Variants in RBM20 observed in about 807,000 individuals in gnomAD.
RBM20 encodes the protein RNA-binding protein 20.
A neutral mutation model predicts 110.1 loss-of-function variants in RBM20; 51 were observed. The ratio of observed to expected loss-of-function variants is 0.46; its 90% CI spans 0.37 to 0.59. The LOEUF is 0.59. RBM20 is among the 20% of genes least tolerant of loss of function. The pLI, the probability that RBM20 is intolerant of heterozygous loss-of-function variation, is 0.00. For missense variants in RBM20, 1,512 were observed against 1,574.9 expected (o/e 0.96, Z 0.68); for synonymous variants, 589 against 618.2 (o/e 0.95, Z 0.70).
chr10:110,783,264 G>A, intron 2 of RBM20, 102 bp from the exon 3 acceptor site: 1 of 844,266 alleles, frequency 1.2e-6, no homozygotes, highest in Non-Finnish European at 2.0e-6. Flanking sequence ...TCCAGCCTCT[G>A]GGCGCTCTGT....
chr10:110,795,714 A>G (rs10885046), intron 5 of RBM20, among the ~76,000 whole-genome samples: 38,380 of 152,168 alleles, frequency 0.25, 4,931 homozygotes, highest in Non-Finnish European at 0.28. Flanking sequence ...AATGTGTTTC[A>G]GGTTCGGAAA....
chr10:110,711,544 C>A (rs1862929075), intron 1 of RBM20, among the ~76,000 whole-genome samples: 1 of 152,064 alleles, frequency 6.6e-6, no homozygotes, highest in African/African-American at 2.4e-5. Context: ...TGGATAATTG[C>A]AAGTGACTGA....
At chr10:110,742,744 C>G (rs898730964) in intron 1 of RBM20, among the ~76,000 whole-genome samples, 1 of 152,342 alleles carries the variant, frequency 6.6e-6, no homozygotes, top group South Asian at 2.1e-4. Flanking sequence ...AGTAGCTCAC[C>G]TGTTTCAAAA....
intron 1 of RBM20, among the ~76,000 whole-genome samples, chr10:110,709,591 G>A (rs1386391586): frequency 6.6e-6 from 1 of 150,480 alleles, no homozygotes; most frequent in Admixed American, 6.6e-5. Context: ...AATTGGGATG[G>A]GATCTTGCTT....
intron 10 of RBM20, 22 bp downstream of exon 10, chr10:110,820,198 G>T: frequency 6.7e-7 from 1 of 1,503,176 alleles, no homozygotes; most frequent in Non-Finnish European, 9.1e-7. Flanking sequence ...TTCAGATTCT[G>T]CACTTCTGCC....
At chr10:110,813,026 C>G (rs533184726) in intron 9 of RBM20, 79 bp downstream of exon 9, 2 of 1,020,706 alleles carry the variant, frequency 2.0e-6, no homozygotes, top group Non-Finnish European at 2.8e-6. Flanking sequence ...TGAGGATGAA[C>G]GTTTATTGAA....
At chr10:110,697,890 G>A (rs1446615026) in intron 1 of RBM20, among the ~76,000 whole-genome samples, 1 of 149,938 alleles carries the variant, frequency 6.7e-6, no homozygotes. Context: ...GAAGAAACAG[G>A]GGCCTTGTTT....
At chr10:110,795,810 A>G (rs1173374772) in intron 5 of RBM20, among the ~76,000 whole-genome samples, 1 of 152,218 alleles carries the variant, frequency 6.6e-6, no homozygotes, top group Non-Finnish European at 1.5e-5. Flanking sequence ...TAAGGTTTGC[A>G]CAAAACAGAC....
intron 7 of RBM20, among the ~76,000 whole-genome samples, chr10:110,806,191 C>T (rs193274978): frequency 1.3e-5 from 2 of 151,818 alleles, no homozygotes; most frequent in Non-Finnish European, 2.9e-5. Context: ...TCGCTTGAAC[C>T]CAGAAGGCAG....
chr10:110,838,593 C>T lies in RBM20; in HGVS notation c.*2615C>T, dbSNP rs1251675513. 1 of 152,150 alleles carries T rather than the reference C, an allele frequency of 6.6e-6. No individual in the cohort carries two copies. Among genetic ancestry groups the T allele is most frequent in the Non-Finnish European group, 1.5e-5 (1 of 68,036 alleles). 9.4% of individuals were successfully genotyped at this position (152,150 alleles called of 1,614,324 possible). ...ATCAGAGAGACTGGACACTTTATCC[C>T]CTAGCAAAGTGGGAGAAGATTTTAC... is the stretch of plus-strand genomic sequence containing the variant. On this transcript the variant is annotated 3_prime_UTR_variant, in exon 14 of 14. Transcript: ENST00000369519.
At chr10:110,647,606 C>G (rs1861886685) in intron 1 of RBM20, among the ~76,000 whole-genome samples, 1 of 152,058 alleles carries the variant, frequency 6.6e-6, no homozygotes, top group South Asian at 2.1e-4. Context: ...GTTAGGAAAT[C>G]AGAATAATTT....
At position 110,729,895 on chromosome 10, in the gene RBM20, G is replaced by A. The variant is rs141207136; in HGVS notation, c.192-50906G>A. ...CTGGAGTGCAACCTCGGCTCACTGC[G>A]ACCTACGCCTCCCAGGTTCAAGTGA... On this transcript the variant is annotated intron_variant, in intron 1 of 13. Coordinates refer to ENST00000369519, the MANE Select transcript of RBM20 (RefSeq NM_001134363.3). Among the ~76,000 whole-genome samples the A allele has an allele frequency of 2.8e-3, 433 of 152,228 alleles. 6 individuals are homozygous for A. Among genetic ancestry groups the A allele is most frequent in the African/African-American group, 9.7e-3 (401 of 41,540 alleles).
At chr10:110,663,397 G>A (rs1034647213) in intron 1 of RBM20, among the ~76,000 whole-genome samples, 4 of 152,176 alleles carry the variant, frequency 2.6e-5, no homozygotes, top group Admixed American at 6.5e-5. Context: ...TCTCCAGGGC[G>A]TACTATTAAA....
chr10:110,781,681 G>A lies in RBM20; in HGVS notation c.1072G>A (p.Asp358Asn). 1 of 1,549,454 alleles carries A rather than the reference G, an allele frequency of 6.5e-7. No homozygotes were observed. Among genetic ancestry groups the A allele is most frequent in the Middle Eastern group, 1.7e-4 (1 of 5,982 alleles). Residue 358 changes from aspartate (D) to asparagine (N), a missense_variant, in exon 2 of 14, where the codon GAC becomes AAC. Physicochemically the swap from Asp to Asn is conservative, Grantham distance 23. Transcript: ENST00000369519. Reference sequence around the variant, plus strand: ...GTACGACCCCGAGGAACCAACCTCAGACAGGACACCTCCTTCCTTCGGGGG... The same window carrying A: ...GTACGACCCCGAGGAACCAACCTCAAACAGGACACCTCCTTCCTTCGGGGG... ...ELYDPEEPTS[D>N]RTPPSFGGRL...
At chr10:110,709,741 T>C (rs1271328897) in intron 1 of RBM20, among the ~76,000 whole-genome samples, 1 of 151,800 alleles carries the variant, frequency 6.6e-6, no homozygotes, top group Non-Finnish European at 1.5e-5. Flanking sequence ...TATTTTGTTT[T>C]TTTAATTTTG....
chr10:110,774,721 G>A lies in RBM20; in HGVS notation c.192-6080G>A, dbSNP rs541337560. ...TGTTTTGTTTTTGTCTGTAGAATGA[G>A]TGAGTTAAACTAAATTGTCTGTAAG... is the stretch of plus-strand genomic sequence containing the variant. On this transcript the variant is annotated intron_variant, in intron 1 of 13. Transcript: ENST00000369519. Among the ~76,000 whole-genome samples, 20 of 152,204 alleles carry A rather than the reference G, an allele frequency of 1.3e-4. No individual in the cohort carries two copies. The South Asian group carries it at 1.5e-3, about 11-fold the overall frequency.
At chr10:110,771,703 T>C (rs888946135) in intron 1 of RBM20, among the ~76,000 whole-genome samples, 1 of 151,992 alleles carries the variant, frequency 6.6e-6, no homozygotes, top group African/African-American at 2.4e-5. Flanking sequence ...CTGGAGGAGG[T>C]GTCCTGTGAG....
chr10:110,828,826 TTTTGTTTTTTG>T (rs1392723712), intron 12 of RBM20, among the ~76,000 whole-genome samples: 2 of 151,270 alleles, frequency 1.3e-5, no homozygotes, highest in South Asian at 2.1e-4. Flanking sequence ...TTTGTTTGCT[TTTTGTTTTTTG>T]TTTGTTTGTT....
intron 5 of RBM20, among the ~76,000 whole-genome samples, chr10:110,796,743 A>T (rs975820770): frequency 6.6e-5 from 10 of 151,630 alleles, no homozygotes; most frequent in African/African-American, 2.4e-4. Context: ...GTACAGGAAG[A>T]CTCTGACTTC....
Sources: allele counts gnomAD v4.1 joint callset (sites outside exome capture counted in the v4.1 genomes callset), GRCh38; gene constraint gnomAD v4.1.1; transcripts MANE v1.5; gene names NCBI Gene and HGNC (gene_info 2026-07-23, HGNC 2026-07-21).